The following GPR137B variants were observed in gnomAD, a reference collection of about 807,000 sequenced individuals.
GPR137B encodes integral membrane protein GPR137B.
In GPR137B, 42 loss-of-function variants were observed where a neutral mutation model predicts 42.5. That is an observed-to-expected ratio of 0.99 (90% CI 0.77 to 1.28). GPR137B has a LOEUF of 1.28. Among genes scored for constraint, GPR137B ranks in the 50% most tolerant of loss-of-function variants. The probability of loss-of-function intolerance (pLI) is 0.00; values close to 1 mark genes in which losing one functional copy is unlikely to be tolerated. For missense variants in GPR137B, 487 were observed against 493.9 expected, an observed-to-expected ratio of 0.99 and a Z score of 0.13; for synonymous variants, 218 against 209.7, an observed-to-expected ratio of 1.04 and a Z score of -0.34.
chr1:236,170,546 G>T (rs1662504065), intron 2 of GPR137B, among the ~76,000 whole-genome samples: 1 of 152,182 alleles, frequency 6.6e-6, no homozygotes, highest in South Asian at 2.1e-4. Flanking sequence ...CCAGGCTCAG[G>T]TGGAACTTCA....
chr1:236,170,441 G>C (rs1662500161), intron 2 of GPR137B, among the ~76,000 whole-genome samples: 1 of 152,120 alleles, frequency 6.6e-6, no homozygotes, highest in South Asian at 2.1e-4. Flanking sequence ...CAAGATACAA[G>C]TCCCAAGACT....
Position 236,180,033 on chromosome 1 carries a change from G to C in GPR137B, c.837+5G>C. 2 of 1,612,880 alleles carry C rather than the reference G, an allele frequency of 1.2e-6. No homozygotes were observed. Among genetic ancestry groups the C allele is most frequent in the Non-Finnish European group, 1.7e-6 (2 of 1,178,856 alleles). On this transcript the variant is annotated splice_donor_5th_base_variant and intron_variant, in intron 4 of 6. Coordinates refer to ENST00000366592, the MANE Select transcript of GPR137B (RefSeq NM_003272.4). ...TGGTACAATGTATCAGACCAGGTCA[G>C]TGGGGGCGCTGAGGAGGTGTCACCT...
intron 1 of GPR137B, among the ~76,000 whole-genome samples, chr1:236,165,218 T>C (rs746269917): frequency 2.0e-5 from 3 of 152,224 alleles, no homozygotes; most frequent in Non-Finnish European, 2.9e-5. Flanking sequence ...ATTCAAGATA[T>C]ATTGCCACAA....
chr1:236,144,121 A>T (rs1377359736), intron 1 of GPR137B, among the ~76,000 whole-genome samples: 5 of 151,378 alleles, frequency 3.3e-5, no homozygotes, highest in African/African-American at 1.2e-4. Flanking sequence ...TCACTTATTT[A>T]AAAAAAGAAA....
intron 4 of GPR137B, 45 bp downstream of exon 4, chr1:236,180,073 G>T (rs759535829): frequency 1.9e-6 from 3 of 1,553,866 alleles, no homozygotes; most frequent in South Asian, 1.1e-5. Flanking sequence ...AGGGACTCTT[G>T]GTATCCTCGA....
chr1:236,190,852 G>C (rs1310754584), intron 5 of GPR137B, among the ~76,000 whole-genome samples: 2 of 152,130 alleles, frequency 1.3e-5, no homozygotes, highest in Non-Finnish European at 2.9e-5. Context: ...TATCTTTGTG[G>C]TGTTCTCTGT....
At chr1:236,149,972 CTG>C (rs373046617) in intron 1 of GPR137B, among the ~76,000 whole-genome samples, 13 of 148,708 alleles carry the variant, frequency 8.7e-5, no homozygotes, top group East Asian at 6.0e-4. Flanking sequence ...CTGTGTGCAC[CTG>C]TGTGTGTGTG....
chr1:236,162,285 T>G (rs895245348), intron 1 of GPR137B, among the ~76,000 whole-genome samples: 4 of 152,192 alleles, frequency 2.6e-5, no homozygotes, highest in African/African-American at 9.6e-5. Context: ...AAGAAATTTC[T>G]GAGCAGCAAA....
chr1:236,177,015 G>T (rs1221887629), intron 2 of GPR137B, among the ~76,000 whole-genome samples: 1 of 152,096 alleles, frequency 6.6e-6, no homozygotes, highest in East Asian at 1.9e-4. Context: ...GTACAGGGAG[G>T]GTCAGGGGTG....
At chr1:236,172,674 G>C (rs1157809847) in intron 2 of GPR137B, among the ~76,000 whole-genome samples, 1 of 150,736 alleles carries the variant, frequency 6.6e-6, no homozygotes, top group Admixed American at 6.6e-5. Context: ...AAAATACAGT[G>C]AGCCAGGTTT....
At chr1:236,198,239 C>T (rs920554975) in intron 5 of GPR137B, among the ~76,000 whole-genome samples, 3 of 152,084 alleles carry the variant, frequency 2.0e-5, no homozygotes, top group Non-Finnish European at 4.4e-5. Context: ...GAGTCTTGCT[C>T]TGTCGTCCAG....
chr1:236,205,216 G>A lies in GPR137B; in HGVS notation c.1057G>A (p.Ala353Thr), dbSNP rs781248307. 5.0e-6 allele frequency: 8 copies of A among 1,613,386 alleles called. No individual in the cohort carries two copies. The Admixed American group carries it at 6.7e-5, about 13-fold the overall frequency. Residue 353 changes from alanine (A) to threonine (T), a missense_variant, in exon 6 of 7, where the codon GCC becomes ACC. Physicochemically the swap from Ala to Thr is moderately conservative, Grantham distance 58. Transcript: ENST00000366592. ...AAGATATGACAGTGATGATGACCTT[G>A]CCTGGAACATTGCCCCTCAGGGACT... is the stretch of plus-strand genomic sequence containing the variant. ...PRRYDSDDDL[A>T]WNIAPQGLQG...
In GPR137B at chr1:236,155,390, G is replaced by C. The variant is rs1278153346; in HGVS notation, c.414+12354G>C. ...GAGCTAACCAGGAACCAACAAAGTA[G>C]GTTCCTGAGGGTTGACCAGCCTCAC... On this transcript the variant is annotated intron_variant, in intron 1 of 6. Transcript: ENST00000366592. This position sits in a 1 kb window ranked among gnomAD's most constrained non-coding sequence, Gnocchi z 4.6. Among the ~76,000 whole-genome samples the C allele has an allele frequency of 2.0e-5, 3 of 152,230 alleles. No homozygotes were observed.
intron 5 of GPR137B, among the ~76,000 whole-genome samples, chr1:236,204,810 T>C (rs1337364220): frequency 6.6e-6 from 1 of 152,194 alleles, no homozygotes; most frequent in Non-Finnish European, 1.5e-5. Flanking sequence ...TCTTGGAATT[T>C]GCCCATTTCT....
At chr1:236,205,884 CTA>C (rs2102928424) in intron 6 of GPR137B, among the ~76,000 whole-genome samples, 1 of 152,274 alleles carries the variant, frequency 6.6e-6, no homozygotes, top group East Asian at 1.9e-4. Flanking sequence ...CTGTAATATG[CTA>C]ATGTGTGCTC....
intron 2 of GPR137B, among the ~76,000 whole-genome samples, chr1:236,169,778 G>A (rs1191443411): frequency 1.3e-5 from 2 of 152,046 alleles, no homozygotes; most frequent in African/African-American, 4.8e-5. Context: ...GGTGGCTCAC[G>A]CCTGTAATCC....
At chr1:236,177,757 T>G (rs1306520613) in intron 2 of GPR137B, among the ~76,000 whole-genome samples, 10 of 151,966 alleles carry the variant, frequency 6.6e-5, no homozygotes, top group Non-Finnish European at 1.5e-4. Flanking sequence ...GGTTTCACCA[T>G]GTTGGCCAGG....
At chr1:236,202,708 A>G (rs1254007880) in intron 5 of GPR137B, among the ~76,000 whole-genome samples, 1 of 150,774 alleles carries the variant, frequency 6.6e-6, no homozygotes, top group East Asian at 1.9e-4. Flanking sequence ...TTCAGGAAAC[A>G]AATTCTCTGC....
chr1:236,146,724 A>C (rs911271), intron 1 of GPR137B, among the ~76,000 whole-genome samples: 83,010 of 152,056 alleles, frequency 0.55, 23,118 homozygotes, highest in East Asian at 0.78. Flanking sequence ...TGATTAACTT[A>C]CCCCTAAATC....
Sources: allele counts gnomAD v4.1 joint callset (sites outside exome capture counted in the v4.1 genomes callset), GRCh38; gene constraint gnomAD v4.1.1; non-coding constraint Gnocchi (gnomAD v3.1); transcripts MANE v1.5; gene names NCBI Gene and HGNC (gene_info 2026-07-23, HGNC 2026-07-21).